NEK11: variants seen among roughly 807,000 people sequenced by gnomAD.
NEK11 encodes serine/threonine-protein kinase Nek11.
NEK11 carries 72 observed loss-of-function variants against 80.7 expected under a neutral mutation model. The ratio of observed to expected loss-of-function variants is 0.89; its 90% CI spans 0.74 to 1.08. The LOEUF is 1.08. Ranked by LOEUF, NEK11 falls within the 50% of genes least tolerant of loss-of-function variation. The probability of loss-of-function intolerance (pLI) is 0.00; values close to 1 mark genes in which losing one functional copy is unlikely to be tolerated. For synonymous variants in NEK11, 251 were observed against 260.7 expected (o/e 0.96, Z 0.36); for missense variants, 764 against 763.6 (o/e 1.00, Z -0.01).
At chr3:131,324,005 G>A (rs7649681) in intron 17 of NEK11, among the ~76,000 whole-genome samples, 18,140 of 152,120 alleles carry the variant, frequency 0.12, 1,540 homozygotes, top group East Asian at 0.3. Context: ...TGACAGTGTG[G>A]TATTGGGAGG....
chr3:131,332,774 G>A (rs575212653), intron 17 of NEK11, among the ~76,000 whole-genome samples: 280 of 152,320 alleles, frequency 1.8e-3, no homozygotes, highest in African/African-American at 6.5e-3. Context: ...GTGCTTAAAG[G>A]AGCTGATGGA....
chr3:131,257,705 G>T (rs892542140), intron 16 of NEK11, among the ~76,000 whole-genome samples: 3 of 152,162 alleles, frequency 2.0e-5, no homozygotes, highest in African/African-American at 7.2e-5. Context: ...CTAATGAAAA[G>T]TGAGAACGCA....
chr3:131,199,409 C>T (rs1363605897), intron 14 of NEK11, among the ~76,000 whole-genome samples: 1 of 151,964 alleles, frequency 6.6e-6, no homozygotes, highest in East Asian at 1.9e-4. Context: ...GAAAGATTTA[C>T]AAGACAGAAT....
chr3:131,179,852 A>C (rs1028818106), intron 14 of NEK11, among the ~76,000 whole-genome samples: 6 of 152,198 alleles, frequency 3.9e-5, no homozygotes, highest in Admixed American at 2.0e-4. Flanking sequence ...GATTCATTTC[A>C]AAATTGATGG....
At chr3:131,140,961 A>G (rs2086759581) in intron 7 of NEK11, among the ~76,000 whole-genome samples, 1 of 152,170 alleles carries the variant, frequency 6.6e-6, no homozygotes. Flanking sequence ...GCTGGAGCTC[A>G]TACCAGCTCA....
intron 7 of NEK11, among the ~76,000 whole-genome samples, chr3:131,150,785 T>C (rs1251790993): frequency 6.6e-6 from 1 of 152,034 alleles, no homozygotes; most frequent in African/African-American, 2.4e-5. Flanking sequence ...TTTTTGGTGC[T>C]CTTTATTTCT....
chr3:131,180,610 C>T lies in NEK11; in HGVS notation c.1399+9723C>T, dbSNP rs185381437. The stretch of plus-strand genomic sequence containing the variant: ...ATCCCTTGTTACCTAGGTCAGCAGG[C>T]GTATTTGTTACAGCAGCAAGTGTAG... On this transcript the variant is annotated intron_variant, in intron 14 of 17. Coordinates refer to ENST00000383366, the MANE Select transcript of NEK11 (RefSeq NM_024800.5). 8.1e-4 allele frequency among the ~76,000 whole-genome samples: 123 copies of T among 152,078 alleles called. 2 individuals carry two copies. The highest frequency in any genetic ancestry group is 7.9e-3 in the Admixed American group (121 of 15,264).
chr3:131,310,720 G>A (rs2109403374), intron 17 of NEK11, among the ~76,000 whole-genome samples: 1 of 152,304 alleles, frequency 6.6e-6, no homozygotes, highest in South Asian at 2.1e-4. Flanking sequence ...AAAAAATACA[G>A]TGTGTATCTG....
intron 15 of NEK11, among the ~76,000 whole-genome samples, chr3:131,240,525 T>G (rs1489569980): frequency 2.0e-5 from 3 of 151,840 alleles, no homozygotes; most frequent in African/African-American, 7.3e-5. Context: ...ATAATTGGTT[T>G]TTGTTGTTGT....
chr3:131,222,315 T>G (rs1426818933), intron 14 of NEK11, among the ~76,000 whole-genome samples: 1 of 152,184 alleles, frequency 6.6e-6, no homozygotes, highest in Admixed American at 6.5e-5. Flanking sequence ...TAGTCTACAT[T>G]GAAGAGTTGT....
At chr3:131,135,910 C>T (rs1352698509) in intron 7 of NEK11, among the ~76,000 whole-genome samples, 2 of 151,876 alleles carry the variant, frequency 1.3e-5, no homozygotes, top group African/African-American at 4.8e-5. Flanking sequence ...GCAACAGAAC[C>T]CACAGAGAGG....
intron 3 of NEK11, among the ~76,000 whole-genome samples, chr3:131,044,899 G>T (rs185212708): frequency 1.5e-4 from 23 of 152,250 alleles, no homozygotes; most frequent in Admixed American, 9.8e-4. Context: ...AAATGCAAAA[G>T]ATCAGAAATC....
At chr3:131,329,049 C>G (rs1364157666) in intron 17 of NEK11, 1 of 152,164 alleles carries the variant, frequency 6.6e-6, no homozygotes, top group Admixed American at 6.5e-5. Context: ...GAAACACTGT[C>G]CCTTCTGCAT....
chr3:131,286,602 C>G (rs2096473488), intron 17 of NEK11, among the ~76,000 whole-genome samples: 1 of 152,140 alleles, frequency 6.6e-6, no homozygotes, highest in Non-Finnish European at 1.5e-5. Context: ...CTAAACACCA[C>G]CAGGTACTAC....
chr3:131,112,416 A>T (rs2080283832), intron 5 of NEK11, among the ~76,000 whole-genome samples: 1 of 152,182 alleles, frequency 6.6e-6, no homozygotes, highest in Non-Finnish European at 1.5e-5. Context: ...TTACTCTTGC[A>T]AAGGGGTTTT....
intron 17 of NEK11, among the ~76,000 whole-genome samples, chr3:131,339,994 C>T (rs2097260578): frequency 6.6e-6 from 1 of 152,146 alleles, no homozygotes; most frequent in Admixed American, 6.5e-5. Flanking sequence ...TTCTAGCATC[C>T]AGATCATTGA....
intron 7 of NEK11, among the ~76,000 whole-genome samples, chr3:131,147,945 A>AAAT (rs1467825128): frequency 3.9e-5 from 6 of 151,954 alleles, no homozygotes; most frequent in Non-Finnish European, 8.8e-5. Flanking sequence ...TCTCAGAAGA[A>AAAT]AATAATAAAC....
intron 12 of NEK11, among the ~76,000 whole-genome samples, 180 bp from the exon 13 acceptor site, chr3:131,168,650 C>T (rs2092456174): frequency 6.6e-6 from 1 of 152,112 alleles, no homozygotes; most frequent in South Asian, 2.1e-4. Context: ...GCCACCGCGC[C>T]CGGCCGACGT....
intron 14 of NEK11, among the ~76,000 whole-genome samples, chr3:131,178,549 G>A (rs1210160151): frequency 6.6e-6 from 1 of 152,110 alleles, no homozygotes; most frequent in Admixed American, 6.6e-5. Flanking sequence ...TAGGCCTTCT[G>A]CCTTTCACCT....
Sources: allele counts gnomAD v4.1 joint callset (sites outside exome capture counted in the v4.1 genomes callset), GRCh38; gene constraint gnomAD v4.1.1; transcripts MANE v1.5; gene names NCBI Gene and HGNC (gene_info 2026-07-23, HGNC 2026-07-21).